Variants in PTPN11 observed in about 807,000 individuals in gnomAD.
PTPN11 encodes the protein tyrosine-protein phosphatase non-receptor type 11.
Under a neutral mutation model 78.8 loss-of-function variants are expected in PTPN11, and 6 were observed. The observed-to-expected ratio is 0.08, with a 90% CI of 0.04 to 0.15. The LOEUF is 0.15. Ranked by LOEUF, PTPN11 falls within the 10% of genes least tolerant of loss-of-function variation. PTPN11 has a pLI of 1.00. For synonymous variants in PTPN11, 221 were observed against 263.5 expected, an observed-to-expected ratio of 0.84 and a Z score of 1.56; for missense variants, 386 against 744.8, an observed-to-expected ratio of 0.52 and a Z score of 5.61.
chr12:112,501,557 G>A (rs138534106), intron 13 of PTPN11, among the ~76,000 whole-genome samples: 2,355 of 152,244 alleles, frequency 0.015, 66 homozygotes, highest in African/African-American at 0.054. Flanking sequence ...CCCCAGAGGC[G>A]GGGGTTGCAG....
chr12:112,479,147 C>A (rs1051871732), intron 9 of PTPN11, among the ~76,000 whole-genome samples: 2 of 152,170 alleles, frequency 1.3e-5, no homozygotes, highest in African/African-American at 2.4e-5. Context: ...CTTCAAGACA[C>A]TTCAGATTAA....
At position 112,453,362 on chromosome 12, in the gene PTPN11, T is replaced by C. The variant is rs1460204712; in HGVS notation, c.500T>C (p.Val167Ala). 2 of 1,614,138 alleles carry C rather than the reference T, an allele frequency of 1.2e-6. No individual in the cohort carries two copies. Among genetic ancestry groups the C allele is most frequent in the Admixed American group, 1.7e-5 (1 of 60,020 alleles). The change falls in exon 4 of 16, where the codon GTG becomes GCG. Residue 167 changes from valine (V) to alanine (A), a missense_variant. By Grantham distance (64) the Val-to-Ala change is moderately conservative. Coordinates refer to ENST00000351677, the MANE Select transcript of PTPN11 (RefSeq NM_002834.5). ...KGESNDGKSK[V>A]THVMIRCQEL... ...GAGAGCAATGACGGCAAGTCTAAAG[T>C]GACCCATGTTATGATTCGCTGTCAG...
At chr12:112,460,606 G>A (rs2038232207) in intron 6 of PTPN11, among the ~76,000 whole-genome samples, 1 of 152,142 alleles carries the variant, frequency 6.6e-6, no homozygotes, top group African/African-American at 2.4e-5. Flanking sequence ...CACTTTGGGA[G>A]GCTGAGGTGG....
intron 7 of PTPN11, among the ~76,000 whole-genome samples, chr12:112,474,288 G>A (rs754598252): frequency 7.2e-5 from 11 of 152,124 alleles, no homozygotes; most frequent in South Asian, 4.1e-4. Flanking sequence ...CCTGGGAGGC[G>A]GAGGTTGCAA....
At chr12:112,434,543 G>C (rs2037760375) in intron 1 of PTPN11, among the ~76,000 whole-genome samples, 2 of 151,962 alleles carry the variant, frequency 1.3e-5, no homozygotes, top group African/African-American at 4.8e-5. Flanking sequence ...AGGTGGCAGA[G>C]GTTGCAGTGA....
chr12:112,474,000 A>G (rs1037267505), intron 7 of PTPN11, among the ~76,000 whole-genome samples: 3 of 151,876 alleles, frequency 2.0e-5, no homozygotes, highest in South Asian at 4.1e-4. Context: ...CTCCCACCTC[A>G]GCCTCCTGAT....
In PTPN11 at chr12:112,482,330, T is replaced by A. The variant is rs2038609388; in HGVS notation, c.1224+125T>A. ...CGCTCACTCATTGATTCAGTAGCCA[T>A]TTATTAGCTTCCTTCTATGTGCCAG... On this transcript the variant is annotated intron_variant, in intron 10 of 15. Transcript: ENST00000351677. This position sits in a 1 kb window ranked among gnomAD's most constrained non-coding sequence, Gnocchi z 4.4. 1 of 1,123,324 alleles carries A rather than the reference T, an allele frequency of 8.9e-7. No individual in the cohort carries two copies. Among genetic ancestry groups the A allele is most frequent in the Non-Finnish European group, 1.3e-6 (1 of 752,574 alleles). 69.6% of individuals were successfully genotyped at this position (1,123,324 alleles called of 1,614,324 possible).
At chr12:112,433,307 A>G (rs2037741190) in intron 1 of PTPN11, among the ~76,000 whole-genome samples, 3 of 152,184 alleles carry the variant, frequency 2.0e-5, no homozygotes, top group Admixed American at 6.5e-5. Flanking sequence ...GTAGCCTAGG[A>G]GCAATAGGTT....
chr12:112,498,052 C>T (rs531325549), intron 13 of PTPN11, among the ~76,000 whole-genome samples: 1 of 152,150 alleles, frequency 6.6e-6, no homozygotes, highest in South Asian at 2.1e-4. Flanking sequence ...ACTTGGGAGG[C>T]TGAGGCATGA....
At position 112,496,670 on chromosome 12, in the gene PTPN11, A is replaced by C. The variant is rs553705769; in HGVS notation, c.1600-5474A>C. On this transcript the variant is annotated intron_variant, in intron 13 of 15. Transcript: ENST00000351677. ...TCTTTCTCTAACAGGGAGAAACCCCAGTCTCATTATCACCAACCTATCTAC... is the reference window on the plus strand; with the variant it reads ...TCTTTCTCTAACAGGGAGAAACCCCCGTCTCATTATCACCAACCTATCTAC... Among the ~76,000 whole-genome samples the C allele has an allele frequency of 4.9e-4, 75 of 152,320 alleles. 1 individual carries two copies. Among genetic ancestry groups the C allele is most frequent in the African/African-American group, 1.7e-3 (71 of 41,572 alleles).
chr12:112,480,682 C>T (rs977632997), intron 9 of PTPN11, among the ~76,000 whole-genome samples: 2 of 152,132 alleles, frequency 1.3e-5, no homozygotes, highest in Admixed American at 6.6e-5. Context: ...TTTTATTGAA[C>T]GTTCCTCCTA....
intron 6 of PTPN11, among the ~76,000 whole-genome samples, chr12:112,466,126 A>G (rs1476353902): frequency 1.3e-5 from 2 of 152,178 alleles, no homozygotes; most frequent in Non-Finnish European, 2.9e-5. Flanking sequence ...TCAATATTCA[A>G]TCTGTGAGAT....
At chr12:112,472,797 G>A in intron 6 of PTPN11, 147 bp from the exon 7 acceptor site, 1 of 781,106 alleles carries the variant, frequency 1.3e-6, no homozygotes, top group Admixed American at 1.9e-5. Flanking sequence ...CATCACGCCT[G>A]ACCCAGATGA....
chr12:112,436,219 A>G (rs1666932761), intron 1 of PTPN11, among the ~76,000 whole-genome samples: 1 of 152,220 alleles, frequency 6.6e-6, no homozygotes, highest in South Asian at 2.1e-4. Context: ...GTAATTGCAT[A>G]TTAATGAAAC....
rs567213128 is a variant in PTPN11 at position 112,443,991 on chromosome 12, A to G, written c.15-2285A>G. Among the ~76,000 whole-genome samples, 5 of 151,968 alleles carry G rather than the reference A, an allele frequency of 3.3e-5. No homozygotes were observed. The East Asian group carries it at 9.7e-4, about 30-fold the overall frequency. On this transcript the variant is annotated intron_variant, in intron 1 of 15. Coordinates refer to ENST00000351677, the MANE Select transcript of PTPN11 (RefSeq NM_002834.5). ...TTTTTTGTAGAGATGGGGTTTCACT[A>G]TATTGCCCAGGCTGGTCTTGAACTC...
At position 112,422,241 on chromosome 12, in the gene PTPN11, T is replaced by A. The variant is rs577494605; in HGVS notation, c.14+3116T>A. ...ATTATCAAAATAACTCCTCTTGGGT[T>A]CGGCTTTTATATGCATCCAGTAATT... On this transcript the variant is annotated intron_variant, in intron 1 of 15. Coordinates refer to ENST00000351677, the MANE Select transcript of PTPN11 (RefSeq NM_002834.5). Among the ~76,000 whole-genome samples, 34 of 152,316 alleles carry A rather than the reference T, an allele frequency of 2.2e-4. 1 individual carries two copies. In the South Asian group the frequency reaches 7.0e-3, roughly 32 times the overall value.
At chr12:112,434,774 A>G (rs1043583283) in intron 1 of PTPN11, among the ~76,000 whole-genome samples, 1 of 152,010 alleles carries the variant, frequency 6.6e-6, no homozygotes. Context: ...ATATGTATAT[A>G]TACAAGGTTG....
At position 112,504,545 on chromosome 12, in the gene PTPN11, C is replaced by T. The variant is rs1270291271; in HGVS notation, c.1713-150C>T. On this transcript the variant is annotated intron_variant, in intron 14 of 15. Transcript: ENST00000351677. This position sits in a 1 kb window ranked among gnomAD's most constrained non-coding sequence, Gnocchi z 4.7. Reference sequence around the variant, plus strand: ...ATTGCTGTATGGCTATCTCTTCTCTCCCTGGGAATGTCAGGTCCTAGGCAC... The same window carrying T: ...ATTGCTGTATGGCTATCTCTTCTCTTCCTGGGAATGTCAGGTCCTAGGCAC... 1.5e-6 allele frequency: 1 copy of T among 659,442 alleles called. No individual in the cohort carries two copies. The highest frequency in any genetic ancestry group is 2.8e-6 in the Non-Finnish European group (1 of 361,388). The allele number at this position is 659,442 out of a possible 1,614,324, so 40.8% of individuals were successfully genotyped here.
chr12:112,423,620 T>A lies in PTPN11; in HGVS notation c.14+4495T>A, dbSNP rs147209593. Among the ~76,000 whole-genome samples, 191 of 152,298 alleles carry A rather than the reference T, an allele frequency of 1.3e-3. 1 individual carries two copies. Among genetic ancestry groups the A allele is most frequent in the Non-Finnish European group, 2.2e-3 (153 of 68,028 alleles). On this transcript the variant is annotated intron_variant, in intron 1 of 15. Coordinates refer to ENST00000351677, the MANE Select transcript of PTPN11 (RefSeq NM_002834.5). ...AATGTATTGGTATAGAATATACTGT[T>A]TAGAATGTATGTGTATATATGTATA...
Sources: gnomAD v4.1 joint callset for allele counts (sites outside exome capture counted in the v4.1 genomes callset) on GRCh38, gnomAD v4.1.1 for gene constraint, Gnocchi (gnomAD v3.1) non-coding constraint, MANE v1.5 for transcripts, NCBI Gene and HGNC (gene_info 2026-07-23, HGNC 2026-07-21) for gene names.